MAD1L1: variants seen among roughly 807,000 people sequenced by gnomAD.
The protein encoded by MAD1L1 is mitotic spindle assembly checkpoint protein MAD1.
In MAD1L1, 95 loss-of-function variants were observed where a neutral mutation model predicts 96.9. The ratio of observed to expected loss-of-function variants is 0.98; its 90% CI spans 0.83 to 1.16. The LOEUF is 1.16. Ranked by LOEUF, MAD1L1 falls within the 50% of genes most tolerant of loss-of-function variation. MAD1L1 has a pLI of 0.00. For synonymous variants in MAD1L1, 473 were observed against 396.6 expected, an observed-to-expected ratio of 1.19 and a Z score of -2.29; for missense variants, 1,007 against 954.4, an observed-to-expected ratio of 1.06 and a Z score of -0.73.
chr7:2,211,820 C>G (rs577892127), intron 10 of MAD1L1, among the ~76,000 whole-genome samples: 31 of 152,338 alleles, frequency 2.0e-4, no homozygotes, highest in African/African-American at 7.5e-4. Context: ...ATTCCAGAAC[C>G]AGCAGTCGGA....
chr7:2,044,997 G>A (rs1029571869), intron 12 of MAD1L1, among the ~76,000 whole-genome samples: 1 of 152,182 alleles, frequency 6.6e-6, no homozygotes, highest in Non-Finnish European at 1.5e-5. Context: ...CTCTGACAGG[G>A]GCCACACGCC....
At chr7:2,052,183 G>A (rs1346692250) in intron 12 of MAD1L1, among the ~76,000 whole-genome samples, 1 of 152,156 alleles carries the variant, frequency 6.6e-6, no homozygotes. Flanking sequence ...GACAAGGGCA[G>A]AACCCTATCG....
At chr7:1,996,919 C>T (rs535189569) in intron 14 of MAD1L1, among the ~76,000 whole-genome samples, 37 of 151,374 alleles carry the variant, frequency 2.4e-4, no homozygotes, top group South Asian at 1.1e-3. Context: ...CTTCACTCCT[C>T]ACTCCCCAAA....
chr7:2,160,876 T>C (rs1322313975), intron 10 of MAD1L1, among the ~76,000 whole-genome samples: 3 of 152,140 alleles, frequency 2.0e-5, no homozygotes, highest in Non-Finnish European at 2.9e-5. Context: ...ATTGCAACCT[T>C]ATATTGCAGA....
At chr7:2,086,803 C>G (rs1375517840) in intron 11 of MAD1L1, among the ~76,000 whole-genome samples, 1 of 152,204 alleles carries the variant, frequency 6.6e-6, no homozygotes, top group Non-Finnish European at 1.5e-5. Context: ...GATCCACCTG[C>G]CTCGGCCTCC....
At chr7:2,000,535 C>G (rs539015780) in intron 14 of MAD1L1, among the ~76,000 whole-genome samples, 1 of 152,216 alleles carries the variant, frequency 6.6e-6, no homozygotes. Context: ...CCTGCCCCAC[C>G]ATTTCCACCA....
chr7:2,076,282 G>A (rs1053805789), intron 11 of MAD1L1, among the ~76,000 whole-genome samples: 10 of 152,206 alleles, frequency 6.6e-5, no homozygotes, highest in East Asian at 1.9e-4. Context: ...GTGACCAAAC[G>A]GGGGCCCCTG....
At chr7:1,941,351 C>G (rs893553496) in intron 16 of MAD1L1, among the ~76,000 whole-genome samples, 7 of 152,334 alleles carry the variant, frequency 4.6e-5, no homozygotes, top group East Asian at 3.9e-4. Context: ...AGGTTTCCCC[C>G]CTGATGGGGG....
intron 7 of MAD1L1, among the ~76,000 whole-genome samples, chr7:2,216,953 G>A (rs11975343): frequency 0.019 from 2,957 of 152,104 alleles, 94 homozygotes; most frequent in African/African-American, 0.067. Context: ...TCCCAGCGCC[G>A]ACCTCCCAGC....
chr7:1,914,624 G>GT (rs937689830), intron 17 of MAD1L1, among the ~76,000 whole-genome samples: 17 of 152,050 alleles, frequency 1.1e-4, no homozygotes, highest in African/African-American at 3.9e-4. Context: ...TTTTTGGTTT[G>GT]TTTTTTTGAG....
At chr7:2,204,337 G>A (rs1193423170) in intron 10 of MAD1L1, among the ~76,000 whole-genome samples, 1 of 152,198 alleles carries the variant, frequency 6.6e-6, no homozygotes, top group Admixed American at 6.5e-5. Flanking sequence ...CAGCTTGAGT[G>A]AGGTATGATC....
intron 18 of MAD1L1, among the ~76,000 whole-genome samples, chr7:1,879,791 C>T (rs950369410): frequency 4.6e-5 from 7 of 152,252 alleles, no homozygotes; most frequent in Middle Eastern, 6.8e-3. Flanking sequence ...AGTGCAGTGG[C>T]GCGATCTCGG....
chr7:1,825,237 G>A (rs940683504), intron 18 of MAD1L1, among the ~76,000 whole-genome samples: 8 of 152,182 alleles, frequency 5.3e-5, no homozygotes, highest in East Asian at 1.9e-4. Flanking sequence ...TGCAACCCTC[G>A]GGCGTCTTGC....
At chr7:2,016,189 G>A (rs939944) in intron 12 of MAD1L1, among the ~76,000 whole-genome samples, 150,067 of 152,264 alleles carry the variant, frequency 0.99, 73,991 homozygotes, top group East Asian at 1. Flanking sequence ...AACCCGGGAA[G>A]CGGTCTCCAC....
intron 13 of MAD1L1, among the ~76,000 whole-genome samples, chr7:2,007,651 G>T (rs1782094391): frequency 6.6e-6 from 1 of 152,178 alleles, no homozygotes. Flanking sequence ...TCCAGCCCGG[G>T]CGACTGAGCG....
rs542384667 is a variant in MAD1L1 at position 2,006,577 on chromosome 7, G to A, written c.1360-4456C>T. Reference sequence around the variant, plus strand: ...GGAGAGACGGGACATCACTAAACCCGCACGGCCCAGCACAGAAGAGAGAGG... The same window carrying A: ...GGAGAGACGGGACATCACTAAACCCACACGGCCCAGCACAGAAGAGAGAGG... On this transcript the variant is annotated intron_variant, in intron 13 of 18. Coordinates refer to ENST00000265854, the MANE Select transcript of MAD1L1 (RefSeq NM_001013836.2). 1.2e-4 allele frequency among the ~76,000 whole-genome samples: 18 copies of A among 150,276 alleles called. 1 individual carries two copies. The highest frequency in any genetic ancestry group is 9.8e-4 in the East Asian group (5 of 5,108).
intron 12 of MAD1L1, among the ~76,000 whole-genome samples, chr7:2,020,381 G>T (rs912462853): frequency 6.6e-6 from 1 of 152,228 alleles, no homozygotes; most frequent in Admixed American, 6.5e-5. Context: ...CCGGCACCAT[G>T]CGGCCCCCAC....
chr7:2,050,966 C>T (rs1784141393), intron 12 of MAD1L1, among the ~76,000 whole-genome samples: 1 of 152,224 alleles, frequency 6.6e-6, no homozygotes, highest in Non-Finnish European at 1.5e-5. Context: ...TGAGCATGAC[C>T]ATCAATTTTC....
At chr7:1,830,396 C>CA (rs1338041491) in intron 18 of MAD1L1, among the ~76,000 whole-genome samples, 8 of 148,512 alleles carry the variant, frequency 5.4e-5, no homozygotes, top group South Asian at 4.2e-4. Context: ...GACTCTGTCT[C>CA]AAAAAAAATA....
Sources: allele counts gnomAD v4.1 joint callset (sites outside exome capture counted in the v4.1 genomes callset), GRCh38; gene constraint gnomAD v4.1.1; transcripts MANE v1.5; gene names NCBI Gene and HGNC (gene_info 2026-07-23, HGNC 2026-07-21).